ARHGEF37: variants seen among roughly 807,000 people sequenced by gnomAD.
The protein encoded by ARHGEF37 is Rho guanine nucleotide exchange factor 37.
Under a neutral mutation model 71.1 loss-of-function variants are expected in ARHGEF37, and 55 were observed. That is an observed-to-expected ratio of 0.77 (90% confidence interval 0.62 to 0.97). ARHGEF37 has a LOEUF of 0.97. Ranked by LOEUF, ARHGEF37 falls within the 50% of genes least tolerant of loss-of-function variation. The probability of loss-of-function intolerance (pLI) is 0.00; values close to 1 mark genes in which losing one functional copy is unlikely to be tolerated. For missense variants in ARHGEF37, 765 were observed against 836.8 expected, an observed-to-expected ratio of 0.91 and a Z score of 1.06; for synonymous variants, 327 against 350.6, an observed-to-expected ratio of 0.93 and a Z score of 0.75.
chr5:149,582,346 G>T (rs73267837), intron 1 of ARHGEF37, among the ~76,000 whole-genome samples: 5,825 of 152,312 alleles, frequency 0.038, 383 homozygotes, highest in African/African-American at 0.13. Context: ...CTCAGGCAGG[G>T]TGGTTTCAGA....
chr5:149,560,022 A>G (rs1762808247), intron 1 of ARHGEF37, among the ~76,000 whole-genome samples: 1 of 152,238 alleles, frequency 6.6e-6, no homozygotes, highest in African/African-American at 2.4e-5. Flanking sequence ...GGTAAAGAGA[A>G]TGAGTTTCCT....
At chr5:149,562,201 G>A (rs1233978411) in intron 1 of ARHGEF37, among the ~76,000 whole-genome samples, 1 of 152,184 alleles carries the variant, frequency 6.6e-6, no homozygotes, top group Non-Finnish European at 1.5e-5. Flanking sequence ...AGGGCGCTGA[G>A]TAGGGAAAAA....
At chr5:149,552,305 A>C (rs536218922) in intron 1 of ARHGEF37, among the ~76,000 whole-genome samples, 1 of 151,424 alleles carries the variant, frequency 6.6e-6, no homozygotes, top group Non-Finnish European at 1.5e-5. Context: ...AGAGGTAACT[A>C]TTACAAAATT....
upstream of ARHGEF37, among the ~76,000 whole-genome samples, chr5:149,577,893 A>C (rs1295873175): frequency 1.3e-5 from 2 of 152,258 alleles, no homozygotes; most frequent in Non-Finnish European, 2.9e-5. Flanking sequence ...AGAAGAATGA[A>C]GAGAAGCAGG....
In ARHGEF37 at chr5:149,610,000, G is replaced by A. The variant is rs80188608; in HGVS notation, c.458+305G>A. Among the ~76,000 whole-genome samples the A allele has an allele frequency of 1.8e-4, 27 of 152,356 alleles. No individual in the cohort carries two copies. In the East Asian group the frequency reaches 5.0e-3, roughly 28 times the overall value. On this transcript the variant is annotated intron_variant, in intron 4 of 12. Coordinates refer to ENST00000333677, the MANE Select transcript of ARHGEF37 (RefSeq NM_001001669.3). ...GCAGCCACTGTCTGGAATATTGCCA[G>A]TAACTGTGGCTTAAGTAAAAAGAGC...
chr5:149,634,482 T>C lies in ARHGEF37; in HGVS notation c.*2291T>C, dbSNP rs1430373857. 1 of 152,580 alleles carries C rather than the reference T, an allele frequency of 6.6e-6. No individual in the cohort carries two copies. The highest frequency in any genetic ancestry group is 1.5e-5 in the Non-Finnish European group (1 of 68,028). 9.5% of individuals were successfully genotyped at this position (152,580 alleles called of 1,614,324 possible). A position where few individuals can be genotyped will look rare whatever the true frequency, so the allele number is the denominator to read the frequency against. On this transcript the variant is annotated 3_prime_UTR_variant, in exon 13 of 13. Coordinates refer to ENST00000333677, the MANE Select transcript of ARHGEF37 (RefSeq NM_001001669.3). The stretch of plus-strand genomic sequence containing the variant: ...AAAATAAAATATACTTGGAACCAAG[T>C]CTATGTCATGAAGGGAAAATAAAAA...
upstream of ARHGEF37, among the ~76,000 whole-genome samples, chr5:149,578,672 G>A (rs1279028362): frequency 6.6e-6 from 1 of 152,126 alleles, no homozygotes; most frequent in Non-Finnish European, 1.5e-5. Context: ...TTTAAAAATG[G>A]ATCACTCTGT....
At chr5:149,572,581 G>T (rs531334336) in intron 1 of ARHGEF37, among the ~76,000 whole-genome samples, 4 of 152,336 alleles carry the variant, frequency 2.6e-5, no homozygotes, top group African/African-American at 9.6e-5. Context: ...GTATCAACTT[G>T]GCTGGGCCTC....
chr5:149,630,778 T>C (rs996218212), intron 12 of ARHGEF37, among the ~76,000 whole-genome samples: 1 of 152,166 alleles, frequency 6.6e-6, no homozygotes, highest in African/African-American at 2.4e-5. Flanking sequence ...CCCAAGCATA[T>C]CAGCTGCTTC....
chr5:149,591,595 A>G (rs114280886), intron 1 of ARHGEF37, among the ~76,000 whole-genome samples: 251 of 152,342 alleles, frequency 1.6e-3, no homozygotes, highest in Non-Finnish European at 2.7e-3. Flanking sequence ...TTGCAAAGAT[A>G]GTGAATAACT....
At chr5:149,566,717 G>A (rs1310231252) in intron 1 of ARHGEF37, among the ~76,000 whole-genome samples, 1 of 152,176 alleles carries the variant, frequency 6.6e-6, no homozygotes, top group Non-Finnish European at 1.5e-5. Flanking sequence ...TGTCCTTCCA[G>A]TGTGTGACAA....
At chr5:149,561,806 T>C (rs1484434525) in intron 1 of ARHGEF37, among the ~76,000 whole-genome samples, 2 of 152,240 alleles carry the variant, frequency 1.3e-5, no homozygotes, top group Non-Finnish European at 2.9e-5. Flanking sequence ...ATGTGGCATT[T>C]TGGAATATTT....
At chr5:149,553,190 G>A (rs1040302984) in intron 1 of ARHGEF37, among the ~76,000 whole-genome samples, 14 of 152,126 alleles carry the variant, frequency 9.2e-5, no homozygotes, top group African/African-American at 3.4e-4. Context: ...CCTGAGGTCG[G>A]GAGTTCGAGA....
intron 1 of ARHGEF37, among the ~76,000 whole-genome samples, chr5:149,586,442 CA>C (rs140543306): frequency 0.038 from 5,810 of 152,150 alleles, 378 homozygotes; most frequent in African/African-American, 0.13. Flanking sequence ...TTTTAATTTT[CA>C]GTAGAGATGG....
intron 1 of ARHGEF37, among the ~76,000 whole-genome samples, chr5:149,561,442 A>T (rs1053456336): frequency 1.3e-5 from 2 of 152,196 alleles, no homozygotes; most frequent in African/African-American, 4.8e-5. Flanking sequence ...TTTACTCTTC[A>T]ACGTAGTCTA....
At chr5:149,598,155 A>G (rs1763607464) in intron 2 of ARHGEF37, among the ~76,000 whole-genome samples, 200 bp downstream of exon 2, 1 of 152,176 alleles carries the variant, frequency 6.6e-6, no homozygotes, top group Non-Finnish European at 1.5e-5. Context: ...CATGGCTTAG[A>G]GTCTTAGTGT....
chr5:149,610,422 T>C lies in ARHGEF37; in HGVS notation c.458+727T>C, dbSNP rs766380942. Among the ~76,000 whole-genome samples the C allele has an allele frequency of 1.9e-4, 29 of 152,252 alleles. 1 individual carries two copies. Among genetic ancestry groups the C allele is most frequent in the Admixed American group, 1.6e-3 (25 of 15,288 alleles). ...AAAATGTAGAGAATATGTATTCGAA[T>C]TTAAATTTTCGAATGGGTAACGTGA... is the stretch of plus-strand genomic sequence containing the variant. On this transcript the variant is annotated intron_variant, in intron 4 of 12. Transcript: ENST00000333677.
chr5:149,595,994 TG>T (rs34871504), intron 1 of ARHGEF37, among the ~76,000 whole-genome samples: 1 of 150,592 alleles, frequency 6.6e-6, no homozygotes, highest in Admixed American at 6.6e-5. Flanking sequence ...TCCTTGTGGC[TG>T]GGGGGGTCCC....
At position 149,618,173 on chromosome 5, in the gene ARHGEF37, C is replaced by T. The variant is rs2113365148; in HGVS notation, c.659-3C>T. The T allele has an allele frequency of 6.2e-7, 1 of 1,614,038 alleles. No homozygotes were observed. The highest frequency in any genetic ancestry group is 2.2e-5 in the East Asian group (1 of 44,876). On this transcript the variant is annotated splice_polypyrimidine_tract_variant and splice_region_variant and intron_variant, in intron 5 of 12. Coordinates refer to ENST00000333677, the MANE Select transcript of ARHGEF37 (RefSeq NM_001001669.3). Reference sequence around the variant, plus strand: ...GTGCTTCCCCTCTTCTCTGTCGTTGCAGCCTCCAAGTACACCAAGGTAGAG... The same window carrying T: ...GTGCTTCCCCTCTTCTCTGTCGTTGTAGCCTCCAAGTACACCAAGGTAGAG...
Sources: gnomAD v4.1 joint callset for allele counts (sites outside exome capture counted in the v4.1 genomes callset) on GRCh38, gnomAD v4.1.1 for gene constraint, MANE v1.5 for transcripts, NCBI Gene and HGNC (gene_info 2026-07-23, HGNC 2026-07-21) for gene names.